The following DGKB variants were observed in gnomAD, a reference collection of about 807,000 sequenced individuals.
DGKB encodes diacylglycerol kinase beta.
In DGKB, 67 loss-of-function variants were observed where a neutral mutation model predicts 114.3. The ratio of observed to expected loss-of-function variants is 0.59; its 90% CI spans 0.48 to 0.72. The LOEUF is 0.72. DGKB is among the 30% of genes least tolerant of loss of function. DGKB has a pLI of 0.00. For synonymous variants in DGKB, 398 were observed against 323.1 expected (o/e 1.23, Z -2.49); for missense variants, 907 against 975.2 (o/e 0.93, Z 0.93).
intron 23 of DGKB, among the ~76,000 whole-genome samples, chr7:14,199,712 A>G (rs1785547264): frequency 6.6e-6 from 1 of 152,112 alleles, no homozygotes; most frequent in Non-Finnish European, 1.5e-5. Context: ...GCAGTGCACT[A>G]TAATGAAGCT....
intron 13 of DGKB, among the ~76,000 whole-genome samples, chr7:14,659,622 G>C (rs1193271131): frequency 6.8e-6 from 1 of 147,612 alleles, no homozygotes; most frequent in Non-Finnish European, 1.5e-5. Context: ...TCAGCTTAAG[G>C]AGATTTTGGG....
At chr7:14,674,814 A>G (rs577383635) in intron 12 of DGKB, among the ~76,000 whole-genome samples, 1 of 152,280 alleles carries the variant, frequency 6.6e-6, no homozygotes, top group East Asian at 1.9e-4. Context: ...GCTAGGAAGA[A>G]GCAGAAAAGG....
chr7:14,581,023 C>G (rs1403782840), intron 18 of DGKB, 72 bp from the exon 19 acceptor site: 1 of 1,038,388 alleles, frequency 9.6e-7, no homozygotes, highest in African/African-American at 1.6e-5. Flanking sequence ...AAAAAGATAG[C>G]CTGATGACAT....
At chr7:14,278,218 C>T (rs1380192162) in intron 23 of DGKB, among the ~76,000 whole-genome samples, 1 of 148,402 alleles carries the variant, frequency 6.7e-6, no homozygotes, top group East Asian at 1.9e-4. Flanking sequence ...AAAACTGGGG[C>T]ATCACATGCC....
chr7:14,820,487 G>C (rs1339919975), intron 2 of DGKB, among the ~76,000 whole-genome samples: 1 of 152,200 alleles, frequency 6.6e-6, no homozygotes, highest in Non-Finnish European at 1.5e-5. Flanking sequence ...ATTTTCTTGG[G>C]TTGGGCATTT....
chr7:14,724,659 G>T (rs1329878581), intron 5 of DGKB, among the ~76,000 whole-genome samples: 1 of 152,190 alleles, frequency 6.6e-6, no homozygotes, highest in African/African-American at 2.4e-5. Context: ...AACAGCTCTG[G>T]TTGTGTGCAA....
In DGKB at chr7:14,574,368, G is replaced by A. The variant is rs762809124; in HGVS notation, c.1614C>T (p.Tyr538=). 10 of 1,602,668 alleles carry A rather than the reference G, an allele frequency of 6.2e-6. No individual in the cohort carries two copies. The highest frequency in any genetic ancestry group is 7.7e-6 in the Non-Finnish European group (9 of 1,176,000). Residue 538 remains tyrosine, a synonymous_variant, in exon 20 of 26, where the codon TAC becomes TAT. Transcript: ENST00000402815. ...LARCLRWGGG[Y]EGENLMKILK... Reference sequence around the variant, plus strand: ...GAATTTTCATCAGATTCTCACCTTCGTAACCTAGTGGGAAAAAAAAATACC... The same window carrying A: ...GAATTTTCATCAGATTCTCACCTTCATAACCTAGTGGGAAAAAAAAATACC...
intron 1 of DGKB, among the ~76,000 whole-genome samples, chr7:14,939,124 G>A (rs1785423841): frequency 6.6e-6 from 1 of 151,796 alleles, no homozygotes; most frequent in African/African-American, 2.4e-5. Flanking sequence ...GTTACCTGTG[G>A]TGCCTCTGCC....
intron 21 of DGKB, among the ~76,000 whole-genome samples, chr7:14,400,287 A>G (rs969847995): frequency 6.6e-6 from 1 of 151,830 alleles, no homozygotes; most frequent in Non-Finnish European, 1.5e-5. Context: ...TGTGACTCCT[A>G]GAGAAGTTAA....
chr7:14,779,623 G>A (rs553893748), intron 2 of DGKB, among the ~76,000 whole-genome samples: 4 of 151,886 alleles, frequency 2.6e-5, no homozygotes, highest in Non-Finnish European at 4.4e-5. Flanking sequence ...AAAAGTAAAG[G>A]CTCCCACAAA....
At chr7:14,241,987 C>T (rs1468432) in intron 23 of DGKB, among the ~76,000 whole-genome samples, 130,507 of 150,142 alleles carry the variant, frequency 0.87, 56,765 homozygotes, top group East Asian at 0.91. Context: ...CACACACACA[C>T]ATATATATAT....
chr7:14,963,671 C>G (rs1379040952), intron 1 of DGKB, among the ~76,000 whole-genome samples: 1 of 152,132 alleles, frequency 6.6e-6, no homozygotes. Context: ...GTTTGATACG[C>G]TAGGGAGTGA....
intron 14 of DGKB, among the ~76,000 whole-genome samples, chr7:14,624,013 A>T (rs1293744954): frequency 6.6e-6 from 1 of 152,186 alleles, no homozygotes; most frequent in Non-Finnish European, 1.5e-5. Context: ...ACTACATTAA[A>T]GTATGTATTC....
chr7:14,571,725 A>T (rs1363299464), intron 20 of DGKB, among the ~76,000 whole-genome samples: 1 of 152,196 alleles, frequency 6.6e-6, no homozygotes, highest in African/African-American at 2.4e-5. Flanking sequence ...GTGATTTCTA[A>T]TTGCCTGAAC....
At chr7:14,806,797 A>G (rs1842840859) in intron 2 of DGKB, among the ~76,000 whole-genome samples, 1 of 151,766 alleles carries the variant, frequency 6.6e-6, no homozygotes, top group Non-Finnish European at 1.5e-5. Flanking sequence ...TGCTATTCTC[A>G]GATCATTTTG....
rs1780821408 is a variant in DGKB at position 14,468,566 on chromosome 7, G to T, written c.1835+9595C>A. ...AATTATTATATATAATATTATCTAT[G>T]TAATATATCTGTTACATATATATAT... On this transcript the variant is annotated intron_variant, in intron 21 of 25. Coordinates refer to ENST00000402815, the MANE Select transcript of DGKB (RefSeq NM_001350709.2). Among the ~76,000 whole-genome samples the T allele has an allele frequency of 1.3e-5, 2 of 148,694 alleles. 1 individual carries two copies. Among genetic ancestry groups the T allele is most frequent in the African/African-American group, 5.1e-5 (2 of 39,112 alleles).
At chr7:14,223,888 A>C (rs148761107) in intron 23 of DGKB, among the ~76,000 whole-genome samples, 2 of 151,358 alleles carry the variant, frequency 1.3e-5, no homozygotes, top group East Asian at 3.9e-4. Flanking sequence ...ATTCACTTGG[A>C]ATTTATGGAG....
intron 20 of DGKB, among the ~76,000 whole-genome samples, chr7:14,545,622 G>A (rs1366557690): frequency 6.6e-6 from 1 of 152,122 alleles, no homozygotes; most frequent in East Asian, 1.9e-4. Flanking sequence ...ATCAGCTTCC[G>A]CCACAAATCT....
chr7:14,916,918 G>C (rs763595435), intron 1 of DGKB, among the ~76,000 whole-genome samples: 2 of 151,898 alleles, frequency 1.3e-5, no homozygotes, highest in African/African-American at 2.4e-5. Flanking sequence ...ACAAATTTAA[G>C]AGGTTATAAG....
Sources: allele counts gnomAD v4.1 joint callset (sites outside exome capture counted in the v4.1 genomes callset), GRCh38; gene constraint gnomAD v4.1.1; transcripts MANE v1.5; gene names NCBI Gene and HGNC (gene_info 2026-07-23, HGNC 2026-07-21).